Variants in SFMBT2 observed in about 807,000 individuals in gnomAD.
SFMBT2 encodes Scm like with four mbt domains 2, also known as scm-like with four MBT domains protein 2.
In SFMBT2, 38 loss-of-function variants were observed where a neutral mutation model predicts 110.1. That is an observed-to-expected ratio of 0.35 (90% CI 0.27 to 0.45). The LOEUF (loss-of-function observed/expected upper bound fraction) is 0.45, where lower values mean the gene tolerates loss of function less well. Among genes scored for constraint, SFMBT2 ranks in the 20% least tolerant of loss-of-function variants. SFMBT2 has a pLI of 1.00. For synonymous variants in SFMBT2, 425 were observed against 425.4 expected (o/e 1.00, Z 0.01); for missense variants, 1,011 against 1,094.9 (o/e 0.92, Z 1.08).
rs140878937 is a variant in SFMBT2, at chr10:7,357,936, G to C, written c.436+9713C>G. On this transcript the variant is annotated intron_variant, in intron 4 of 20. Transcript: ENST00000397167. ...GTGAAACCCAATGGAACCCAGCATGGCCCTGGGACATCAGCATGGCCCCGG... is the reference window on the plus strand; with the variant it reads ...GTGAAACCCAATGGAACCCAGCATGCCCCTGGGACATCAGCATGGCCCCGG... Among the ~76,000 whole-genome samples, 737 of 152,202 alleles carry C rather than the reference G, an allele frequency of 4.8e-3. 4 individuals are homozygous for C. Among genetic ancestry groups the C allele is most frequent in the African/African-American group, 0.017 (701 of 41,584 alleles).
rs193274460 is a variant in SFMBT2, at chr10:7,274,218, C to A, written c.870+2674G>T. Among the ~76,000 whole-genome samples the A allele has an allele frequency of 2.3e-3, 345 of 152,272 alleles. 3 individuals are homozygous for A. The highest frequency in any genetic ancestry group is 7.5e-3 in the African/African-American group (313 of 41,556). The stretch of plus-strand genomic sequence containing the variant: ...GATTAGCTCACAGACCAGGTGCAGT[C>A]GCTCACACCTGTTATCCCTGCACTT... On this transcript the variant is annotated intron_variant, in intron 7 of 20. Transcript: ENST00000397167.
intron 11 of SFMBT2, chr10:7,206,280 C>T: frequency 1.0e-6 from 1 of 985,410 alleles, no homozygotes; most frequent in Non-Finnish European, 1.2e-6. Context: ...AAGCATCCCC[C>T]TTTCCTAAGA....
chr10:7,203,181 A>T, intron 12 of SFMBT2: 2 of 900,376 alleles, frequency 2.2e-6, no homozygotes, highest in Non-Finnish European at 2.7e-6. Flanking sequence ...TAATTCCAAC[A>T]AAACTTCTAA....
intron 16 of SFMBT2, among the ~76,000 whole-genome samples, chr10:7,178,717 C>A (rs1838150308): frequency 6.6e-6 from 1 of 152,178 alleles, no homozygotes; most frequent in African/African-American, 2.4e-5. Context: ...AAACTGGCAA[C>A]CAGAGCTACA....
intron 4 of SFMBT2, among the ~76,000 whole-genome samples, chr10:7,352,263 T>A (rs569668992): frequency 1.4e-3 from 208 of 152,308 alleles, no homozygotes; most frequent in Non-Finnish European, 2.5e-3. Flanking sequence ...GGTGCCAGGG[T>A]CAGGTCAGTG....
chr10:7,311,064 C>CA lies in SFMBT2; in HGVS notation c.437-25111dup, dbSNP rs1486065091. Among the ~76,000 whole-genome samples the CA allele has an allele frequency of 2.5e-5, 3 of 119,264 alleles. No homozygotes were observed. The East Asian group carries it at 7.8e-4, about 31-fold the overall frequency. The allele number at this position is 119,264 out of a possible 152,430, so 78.2% of individuals were successfully genotyped here. On this transcript the variant is annotated intron_variant, in intron 4 of 20. Transcript: ENST00000397167. The stretch of plus-strand genomic sequence containing the variant: ...CCATCTCAAAAAAAAAAAAAAAAAA[C>CA]AAAACAAAAACAAAATAAAACAAAA...
intron 1 of SFMBT2, among the ~76,000 whole-genome samples, chr10:7,393,310 C>T (rs1394274029): frequency 6.6e-6 from 1 of 152,060 alleles, no homozygotes; most frequent in Non-Finnish European, 1.5e-5. Flanking sequence ...GGATTACAGA[C>T]ATGAGTCACC....
At chr10:7,396,068 C>G (rs1845918266) in intron 1 of SFMBT2, among the ~76,000 whole-genome samples, 1 of 152,154 alleles carries the variant, frequency 6.6e-6, no homozygotes, top group Admixed American at 6.6e-5. Flanking sequence ...AACCCTGCCT[C>G]TACTAAAAGT....
At position 7,171,378 on chromosome 10, in the gene SFMBT2, A is replaced by G; in HGVS notation, c.2416-322T>C. The G allele has an allele frequency of 1.0e-6, 1 of 985,260 alleles. No homozygotes were observed. Among genetic ancestry groups the G allele is most frequent in the Non-Finnish European group, 1.2e-6 (1 of 829,822 alleles). The allele number at this position is 985,260 out of a possible 1,614,324, so 61.0% of individuals were successfully genotyped here. A position where few individuals can be genotyped will look rare whatever the true frequency, so the allele number is the denominator to read the frequency against. ...TGATTAGAGAAAAGAGGAGAAATAC[A>G]AGGGGCACGTCCAAGCAGACACGAG... On this transcript the variant is annotated intron_variant, in intron 19 of 20. Coordinates refer to ENST00000397167, the MANE Select transcript of SFMBT2 (RefSeq NM_001387889.1). The surrounding 1 kb of genome is among the most constrained non-coding windows in gnomAD (Gnocchi z 4.9).
chr10:7,277,358 G>A (rs1841815117), intron 6 of SFMBT2: 1 of 233,504 alleles, frequency 4.3e-6, no homozygotes, highest in Admixed American at 6.7e-5. Flanking sequence ...CCACTGATGA[G>A]GAACTTATTA....
intron 4 of SFMBT2, among the ~76,000 whole-genome samples, chr10:7,298,067 C>T (rs554713760): frequency 6.6e-6 from 1 of 152,314 alleles, no homozygotes; most frequent in African/African-American, 2.4e-5. Context: ...TGGCTGCTCG[C>T]CCAGCACCCA....
chr10:7,213,226 T>A (rs1839411410), intron 11 of SFMBT2, among the ~76,000 whole-genome samples: 1 of 136,272 alleles, frequency 7.3e-6, no homozygotes, highest in African/African-American at 2.8e-5. Flanking sequence ...TGCACACGTA[T>A]CCCAGAACTT....
chr10:7,236,931 C>T (rs780843534), intron 9 of SFMBT2, among the ~76,000 whole-genome samples: 2 of 152,050 alleles, frequency 1.3e-5, no homozygotes, highest in Admixed American at 6.6e-5. Context: ...GAAAATGGGC[C>T]GAAGAAGAAA....
At chr10:7,393,376 A>G (rs1235806501) in intron 1 of SFMBT2, among the ~76,000 whole-genome samples, 1 of 152,042 alleles carries the variant, frequency 6.6e-6, no homozygotes, top group Admixed American at 6.6e-5. Flanking sequence ...CAGTTCACCA[A>G]ACTTTCATTC....
At chr10:7,168,168 T>C (rs1368512757) in intron 20 of SFMBT2, among the ~76,000 whole-genome samples, 4 of 152,300 alleles carry the variant, frequency 2.6e-5, no homozygotes, top group African/African-American at 7.2e-5. Context: ...AACTTTTCTC[T>C]GGTGTTATCA....
At chr10:7,302,861 CTCTT>C (rs1353650548) in intron 4 of SFMBT2, among the ~76,000 whole-genome samples, 1 of 152,204 alleles carries the variant, frequency 6.6e-6, no homozygotes, top group African/African-American at 2.4e-5. Context: ...CACTCTCTCT[CTCTT>C]TTTCTTTCTT....
chr10:7,287,405 A>C, intron 4 of SFMBT2: 1 of 244,172 alleles, frequency 4.1e-6, no homozygotes, highest in Non-Finnish European at 6.6e-6. Context: ...AAGAAGTATC[A>C]GACTGTGGAG....
intron 14 of SFMBT2, chr10:7,197,937 A>G (rs1838831207): frequency 1.0e-6 from 1 of 964,356 alleles, no homozygotes; most frequent in African/African-American, 1.8e-5. Context: ...ACAAAGCAGC[A>G]GAGAAAAACA....
rs2131541998 is a variant in SFMBT2 at position 7,176,120 on chromosome 10, T to C, written c.1854A>G (p.Thr618=). The change falls in exon 17 of 21, where the codon ACA becomes ACG. Residue 618 remains threonine (T), a synonymous_variant. Transcript: ENST00000397167. ...TYRAVVKIVR[T]SDQVANFCRR... is the part of the protein sequence containing the mutation. ...GGCAGAAATTTGCGACTTGGTCAGA[T>C]GTCCGTACGATTTTGACCACAGCCC... is the stretch of plus-strand genomic sequence containing the variant. 6.2e-7 allele frequency: 1 copy of C among 1,614,210 alleles called. No homozygotes were observed. The highest frequency in any genetic ancestry group is 8.5e-7 in the Non-Finnish European group (1 of 1,180,034).
Sources: allele counts gnomAD v4.1 joint callset (sites outside exome capture counted in the v4.1 genomes callset), GRCh38; gene constraint gnomAD v4.1.1; non-coding constraint Gnocchi (gnomAD v3.1); transcripts MANE v1.5; gene names NCBI Gene and HGNC (gene_info 2026-07-23, HGNC 2026-07-21).